Variants in DPYSL2 observed in about 807,000 individuals in gnomAD.
The protein encoded by DPYSL2 is dihydropyrimidinase like 2.
In DPYSL2, 13 loss-of-function variants were observed where a neutral mutation model predicts 69.9. The ratio of observed to expected loss-of-function variants is 0.19; its 90% confidence interval spans 0.12 to 0.30. The LOEUF (loss-of-function observed/expected upper bound fraction) is 0.30, where lower values mean the gene tolerates loss of function less well. DPYSL2 is among the 10% of genes least tolerant of loss of function. The pLI, the probability that DPYSL2 is intolerant of heterozygous loss-of-function variation, is 1.00. For synonymous variants in DPYSL2, 326 were observed against 359.1 expected (o/e 0.91, Z 1.04); for missense variants, 587 against 918.9 (o/e 0.64, Z 4.67).
At chr8:26,573,391 G>A (rs934429914) in intron 1 of DPYSL2, among the ~76,000 whole-genome samples, 3 of 152,098 alleles carry the variant, frequency 2.0e-5, no homozygotes, top group Non-Finnish European at 4.4e-5. Context: ...GGGCGTGGCC[G>A]GGCGCGGTGG....
In DPYSL2 at chr8:26,585,614, T is replaced by G. The variant is rs1256474774; in HGVS notation, c.628+1631T>G. ...GCAGAGCCTGCACCTTGTCATTTGC[T>G]GGGGAATCACTGGCACCTGTGGGCG... is the stretch of plus-strand genomic sequence containing the variant. On this transcript the variant is annotated intron_variant, in intron 3 of 13. Coordinates refer to ENST00000521913, the MANE Select transcript of DPYSL2 (RefSeq NM_001197293.3). This position sits in a 1 kb window ranked among gnomAD's most constrained non-coding sequence, Gnocchi z 4.0. Among the ~76,000 whole-genome samples the G allele has an allele frequency of 6.6e-6, 1 of 152,164 alleles. No homozygotes were observed. The highest frequency in any genetic ancestry group is 1.9e-4 in the East Asian group (1 of 5,190).
intron 1 of DPYSL2, among the ~76,000 whole-genome samples, chr8:26,552,129 T>C (rs954890575): frequency 1.3e-5 from 2 of 152,174 alleles, no homozygotes; most frequent in African/African-American, 2.4e-5. Context: ...AATATATGTT[T>C]GAATAGCACA....
chr8:26,583,889 C>T lies in DPYSL2; in HGVS notation c.534C>T (p.His178=). 1 of 1,614,200 alleles carries T rather than the reference C, an allele frequency of 6.2e-7. No individual in the cohort carries two copies. Among genetic ancestry groups the T allele is most frequent in the Non-Finnish European group, 8.5e-7 (1 of 1,180,044 alleles). Residue 178 remains histidine (H), a synonymous_variant, in exon 3 of 14, where the codon CAC becomes CAT. Coordinates refer to ENST00000521913, the MANE Select transcript of DPYSL2 (RefSeq NM_001197293.3). ...RMVIPGGIDV[H]TRFQMPDQGM... is the part of the protein sequence containing the mutation. ...TGATCCCCGGAGGAATTGACGTCCACACTCGTTTCCAGATGCCTGATCAGG... is the reference window on the plus strand; with the variant it reads ...TGATCCCCGGAGGAATTGACGTCCATACTCGTTTCCAGATGCCTGATCAGG...
chr8:26,592,476 GTTT>G (rs11357827), intron 3 of DPYSL2, among the ~76,000 whole-genome samples: 1 of 132,832 alleles, frequency 7.5e-6, no homozygotes, highest in East Asian at 2.2e-4. Context: ...TTTTTTTTTT[GTTT>G]TTTTTTTTTT....
At position 26,581,997 on chromosome 8, in the gene DPYSL2, A is replaced by G; in HGVS notation, c.383A>G (p.Lys128Arg). Residue 128 changes from lysine (K) to arginine (R), a missense_variant, in exon 2 of 14, where the codon AAA (lysine) becomes AGA (arginine). Lys to Arg is a conservative substitution (Grantham distance 26). This residue lies in a region of DPYSL2 where 452 missense variants were observed against 754.3 expected (regional missense o/e 0.60). Coordinates refer to ENST00000521913, the MANE Select transcript of DPYSL2 (RefSeq NM_001197293.3). ...QSDRLLIKGG[K>R]IVNDDQSFYA... Reference sequence around the variant, plus strand: ...GATCGTCTTCTGATCAAAGGAGGTAAAATTGTTAATGATGACCAGTCGTTC... The same window carrying G: ...GATCGTCTTCTGATCAAAGGAGGTAGAATTGTTAATGATGACCAGTCGTTC... 1 of 1,614,086 alleles carries G rather than the reference A, an allele frequency of 6.2e-7. No homozygotes were observed.
At chr8:26,602,225 G>A (rs1802010533) in intron 3 of DPYSL2, among the ~76,000 whole-genome samples, 1 of 150,466 alleles carries the variant, frequency 6.6e-6, no homozygotes, top group Non-Finnish European at 1.5e-5. Context: ...ACTTTTTTGG[G>A]TCTGGGCCAT....
At chr8:26,595,576 T>A (rs1801842310) in intron 3 of DPYSL2, among the ~76,000 whole-genome samples, 1 of 152,258 alleles carries the variant, frequency 6.6e-6, no homozygotes, top group East Asian at 1.9e-4. Context: ...CATTCCTCGC[T>A]GAACCAGACC....
At chr8:26,521,475 C>CT (rs34109742) in intron 1 of DPYSL2, among the ~76,000 whole-genome samples, 13 of 148,248 alleles carry the variant, frequency 8.8e-5, no homozygotes, top group East Asian at 2.0e-4. Context: ...CATGGCTGTT[C>CT]TTTTTTTTTT....
chr8:26,514,723 G>C lies in DPYSL2; in HGVS notation c.354+44G>C. ...GGTGGAGACGGAGGACGGGGCGCGG[G>C]GATCGCCCCTCCCTCGCCCCTGAGC... On this transcript the variant is annotated intron_variant, in intron 1 of 13. Transcript: ENST00000521913. The surrounding 1 kb of genome is among the most constrained non-coding windows in gnomAD (Gnocchi z 8.4). 2 of 1,331,920 alleles carry C rather than the reference G, an allele frequency of 1.5e-6. No individual in the cohort carries two copies. Among genetic ancestry groups the C allele is most frequent in the Middle Eastern group, 5.3e-4 (2 of 3,772 alleles). 82.5% of individuals were successfully genotyped at this position (1,331,920 alleles called of 1,614,324 possible).
At chr8:26,559,914 G>A (rs905555937) in intron 1 of DPYSL2, among the ~76,000 whole-genome samples, 1 of 152,104 alleles carries the variant, frequency 6.6e-6, no homozygotes, top group African/African-American at 2.4e-5. Flanking sequence ...GGAGCCCCCT[G>A]TGATGTCTCA....
rs192966981 is a variant in DPYSL2, at chr8:26,586,756, G to T, written c.628+2773G>T. Among the ~76,000 whole-genome samples the T allele has an allele frequency of 4.1e-4, 62 of 152,302 alleles. No homozygotes were observed. Among genetic ancestry groups the T allele is most frequent in the Admixed American group, 2.0e-3 (30 of 15,296 alleles). On this transcript the variant is annotated intron_variant, in intron 3 of 13. Coordinates refer to ENST00000521913, the MANE Select transcript of DPYSL2 (RefSeq NM_001197293.3). This position sits in a 1 kb window ranked among gnomAD's most constrained non-coding sequence, Gnocchi z 4.7. ...TCAGCAGATGGCCTTATGGGCAGGTGGTCCGGAAAGGGGAGTGAGGAGTCT... is the reference window on the plus strand; with the variant it reads ...TCAGCAGATGGCCTTATGGGCAGGTTGTCCGGAAAGGGGAGTGAGGAGTCT...
In DPYSL2 at chr8:26,588,610, T is replaced by C. The variant is rs1350638219; in HGVS notation, c.628+4627T>C. The stretch of plus-strand genomic sequence containing the variant: ...CCTGGGTAGCACCGCACAGCAGAGA[T>C]GGGGACTGGACTCTAGCAGGGAGGA... On this transcript the variant is annotated intron_variant, in intron 3 of 13. Transcript: ENST00000521913. This position sits in a 1 kb window ranked among gnomAD's most constrained non-coding sequence, Gnocchi z 5.4. 2.0e-5 allele frequency among the ~76,000 whole-genome samples: 3 copies of C among 152,042 alleles called. No individual in the cohort carries two copies. The highest frequency in any genetic ancestry group is 6.5e-5 in the Admixed American group (1 of 15,274).
chr8:26,595,556 AG>A (rs1206088042), intron 3 of DPYSL2, among the ~76,000 whole-genome samples: 2 of 152,128 alleles, frequency 1.3e-5, no homozygotes, highest in African/African-American at 4.8e-5. Context: ...ATTGTCTGCT[AG>A]GGGGGTTGCA....
In DPYSL2 at chr8:26,641,159, G is replaced by A. The variant is rs1343962236; in HGVS notation, c.1127-2280G>A. Among the ~76,000 whole-genome samples, 1 of 152,194 alleles carries A rather than the reference G, an allele frequency of 6.6e-6. No individual in the cohort carries two copies. Among genetic ancestry groups the A allele is most frequent in the Non-Finnish European group, 1.5e-5 (1 of 68,038 alleles). On this transcript the variant is annotated intron_variant, in intron 8 of 13. Coordinates refer to ENST00000521913, the MANE Select transcript of DPYSL2 (RefSeq NM_001197293.3). This position sits in a 1 kb window ranked among gnomAD's most constrained non-coding sequence, Gnocchi z 4.1. ...AGGCAGGGCCGAGGAGCAGGCACAGGGAGAGGATGAGCGTCGGCAAGTTAC... is the reference window on the plus strand; with the variant it reads ...AGGCAGGGCCGAGGAGCAGGCACAGAGAGAGGATGAGCGTCGGCAAGTTAC...
intron 11 of DPYSL2, among the ~76,000 whole-genome samples, chr8:26,649,442 G>C (rs1333761744): frequency 6.6e-6 from 1 of 152,220 alleles, no homozygotes; most frequent in Admixed American, 6.5e-5. Context: ...GTGGGAAGGA[G>C]AGAAGATTTG....
rs1802392971 is a variant in DPYSL2, at chr8:26,617,953, C to T, written c.629-6190C>T. On this transcript the variant is annotated intron_variant, in intron 3 of 13. Transcript: ENST00000521913. This position sits in a 1 kb window ranked among gnomAD's most constrained non-coding sequence, Gnocchi z 4.7. ...ATGGTTGTAAAGCTCTGTGAGTGAA[C>T]TAAAAGCCACCGGGTTATACCCTTT... Among the ~76,000 whole-genome samples the T allele has an allele frequency of 6.6e-6, 1 of 152,024 alleles. No homozygotes were observed. Among genetic ancestry groups the T allele is most frequent in the African/African-American group, 2.4e-5 (1 of 41,380 alleles).
intron 3 of DPYSL2, among the ~76,000 whole-genome samples, chr8:26,589,062 C>T (rs1286802256): frequency 6.6e-6 from 1 of 152,204 alleles, no homozygotes; most frequent in African/African-American, 2.4e-5. Context: ...CCGCCTTCTT[C>T]CTCTGAAGCC....
At chr8:26,638,318 C>T (rs529885384) in intron 8 of DPYSL2, among the ~76,000 whole-genome samples, 133 of 152,218 alleles carry the variant, frequency 8.7e-4, no homozygotes, top group Middle Eastern at 3.4e-3. Context: ...TAAGCAGACT[C>T]GAAATTTTGC....
chr8:26,589,607 C>T (rs1219466880), intron 3 of DPYSL2, among the ~76,000 whole-genome samples: 1 of 152,216 alleles, frequency 6.6e-6, no homozygotes, highest in African/African-American at 2.4e-5. Flanking sequence ...GCTTGCTCAG[C>T]AGTGGCTCCC....
Sources: allele counts gnomAD v4.1 joint callset (sites outside exome capture counted in the v4.1 genomes callset), GRCh38; gene constraint gnomAD v4.1.1; regional missense constraint gnomAD v4.1.1; non-coding constraint Gnocchi (gnomAD v3.1); transcripts MANE v1.5; gene names NCBI Gene and HGNC (gene_info 2026-07-23, HGNC 2026-07-21).